Variants in SLC16A12 observed in about 807,000 individuals in gnomAD.
SLC16A12 encodes the protein solute carrier family 16 member 12.
SLC16A12 carries 17 observed loss-of-function variants against 42.4 expected under a neutral mutation model. That is an observed-to-expected ratio of 0.40 (90% CI 0.27 to 0.60). The LOEUF (loss-of-function observed/expected upper bound fraction) is 0.60, where lower values mean the gene tolerates loss of function less well. Among genes scored for constraint, SLC16A12 ranks in the 20% least tolerant of loss-of-function variants. The probability of loss-of-function intolerance (pLI) is 0.42; values close to 1 mark genes in which losing one functional copy is unlikely to be tolerated. For synonymous variants in SLC16A12, 224 were observed against 229.4 expected, an observed-to-expected ratio of 0.98 and a Z score of 0.21; for missense variants, 544 against 623.0, an observed-to-expected ratio of 0.87 and a Z score of 1.35.
At chr10:89,532,898 G>C (rs1000938101) in intron 2 of SLC16A12, among the ~76,000 whole-genome samples, 13 of 152,130 alleles carry the variant, frequency 8.5e-5, no homozygotes, top group Admixed American at 8.5e-4. Flanking sequence ...TAAATAAAAA[G>C]CAACATCTTA....
chr10:89,537,132 G>T (rs921193216), upstream of SLC16A12, among the ~76,000 whole-genome samples: 4 of 148,992 alleles, frequency 2.7e-5, no homozygotes, highest in African/African-American at 7.4e-5. Flanking sequence ...ACGCAGCAAG[G>T]CACCGTAGGT....
chr10:89,522,001 A>T (rs1422088457), intron 2 of SLC16A12, among the ~76,000 whole-genome samples: 1 of 152,144 alleles, frequency 6.6e-6, no homozygotes, highest in African/African-American at 2.4e-5. Context: ...CGTCCTTAGG[A>T]CTACCAGGAA....
intron 3 of SLC16A12, among the ~76,000 whole-genome samples, chr10:89,453,356 T>G (rs1842126488): frequency 6.6e-6 from 1 of 152,242 alleles, no homozygotes; most frequent in Non-Finnish European, 1.5e-5. Context: ...CCACTAGGAC[T>G]TCAATTTAAG....
intron 2 of SLC16A12, among the ~76,000 whole-genome samples, chr10:89,473,405 C>T (rs1434989874): frequency 6.6e-6 from 1 of 151,988 alleles, no homozygotes; most frequent in African/African-American, 2.4e-5. Context: ...CCATTTATAC[C>T]AAACCTATAG....
Position 89,548,251 on chromosome 10 carries a change from GT to G in SLC16A12, c.-47+7630del, listed in dbSNP as rs1159275268. 4.6e-5 allele frequency among the ~76,000 whole-genome samples: 7 copies of G among 152,208 alleles called. 1 individual carries two copies. Among genetic ancestry groups the G allele is most frequent in the Admixed American group, 4.6e-4 (7 of 15,280 alleles). ...AGTGAAAGAGACATGAGAAGTCTGT[GT>G]GTCTCCAGCCAGGAGGATGGTGATC... On this transcript the variant is annotated intron_variant, in intron 2 of 2. Transcript: ENST00000475682.
At chr10:89,554,311 C>G (rs1366856335) in intron 2 of SLC16A12, among the ~76,000 whole-genome samples, 2 of 152,098 alleles carry the variant, frequency 1.3e-5, no homozygotes, top group Non-Finnish European at 2.9e-5. Context: ...GCATAACTAA[C>G]CCACCTCAAT....
At chr10:89,463,738 A>C (rs1842342871) in intron 2 of SLC16A12, among the ~76,000 whole-genome samples, 1 of 152,252 alleles carries the variant, frequency 6.6e-6, no homozygotes, top group Non-Finnish European at 1.5e-5. Context: ...ACTTCAAAGA[A>C]GTAATATCTG....
rs1335619612 is a variant in SLC16A12 at position 89,438,826 on chromosome 10, C to T, written c.806G>A (p.Cys269Tyr). The T allele has an allele frequency of 3.1e-6, 5 of 1,614,044 alleles. No homozygotes were observed. The highest frequency in any genetic ancestry group is 1.3e-5 in the African/African-American group (1 of 74,904). ...AAAACTGTACTCTTGCTGCAAACAG[C>T]AACAGAGGCAAGTCTGTGCCCATTC... ...TKEWAQTCLC[C>Y]CLQQEYSFLL... Residue 269 changes from cysteine (C) to tyrosine (Y), a missense_variant, in exon 6 of 8, where the codon TGC becomes TAC. Coordinates refer to ENST00000371790, the MANE Select transcript of SLC16A12 (RefSeq NM_213606.4).
chr10:89,432,005 T>C lies in SLC16A12; in HGVS notation c.*1059A>G, dbSNP rs1841702304. 1 of 152,568 alleles carries C rather than the reference T, an allele frequency of 6.6e-6. No individual in the cohort carries two copies. Among genetic ancestry groups the C allele is most frequent in the Non-Finnish European group, 1.5e-5 (1 of 68,038 alleles). The allele number at this position is 152,568 out of a possible 1,614,324, so 9.5% of individuals were successfully genotyped here. On this transcript the variant is annotated 3_prime_UTR_variant, in exon 8 of 8. Transcript: ENST00000371790. Reference sequence around the variant, plus strand: ...AATATTTTTCAGACAACTGACTCCCTCCAATCCTCTTTTGGGTAATGATAA... The same window carrying C: ...AATATTTTTCAGACAACTGACTCCCCCCAATCCTCTTTTGGGTAATGATAA...
intron 2 of SLC16A12, among the ~76,000 whole-genome samples, chr10:89,502,977 A>G (rs1231763523): frequency 6.6e-6 from 1 of 152,206 alleles, no homozygotes. Flanking sequence ...ACTGCAATCT[A>G]TGATCAGGAT....
chr10:89,477,457 G>A (rs1371498018), intron 2 of SLC16A12, among the ~76,000 whole-genome samples: 1 of 151,462 alleles, frequency 6.6e-6, no homozygotes, highest in Non-Finnish European at 1.5e-5. Context: ...CCAGCTACTC[G>A]GGAGGCTGAG....
At chr10:89,474,794 T>A (rs1028627485) in intron 2 of SLC16A12, among the ~76,000 whole-genome samples, 1 of 152,214 alleles carries the variant, frequency 6.6e-6, no homozygotes, top group Non-Finnish European at 1.5e-5. Context: ...TACATATATG[T>A]TATTCCATGT....
intron 2 of SLC16A12, among the ~76,000 whole-genome samples, chr10:89,468,657 G>T (rs1842446407): frequency 6.6e-6 from 1 of 152,200 alleles, no homozygotes; most frequent in South Asian, 2.1e-4. Context: ...TTTCAAAACA[G>T]GTCATTTAAT....
At chr10:89,528,789 G>A (rs1843495967) in intron 2 of SLC16A12, among the ~76,000 whole-genome samples, 1 of 152,148 alleles carries the variant, frequency 6.6e-6, no homozygotes, top group Admixed American at 6.5e-5. Flanking sequence ...CCCTAGCCCT[G>A]TATCTCAGAC....
intron 3 of SLC16A12, among the ~76,000 whole-genome samples, chr10:89,444,815 G>A (rs900008935): frequency 1.3e-5 from 2 of 152,228 alleles, no homozygotes; most frequent in African/African-American, 4.8e-5. Context: ...GCCTCACCCA[G>A]GAAGCACAAG....
chr10:89,452,250 A>G (rs1305486755), intron 3 of SLC16A12, among the ~76,000 whole-genome samples: 1 of 152,188 alleles, frequency 6.6e-6, no homozygotes, highest in Non-Finnish European at 1.5e-5. Context: ...AGTCAAATAA[A>G]AACAGTTGAG....
chr10:89,460,678 G>A (rs1180433520), intron 3 of SLC16A12, among the ~76,000 whole-genome samples: 1 of 148,684 alleles, frequency 6.7e-6, no homozygotes, highest in Non-Finnish European at 1.5e-5. Flanking sequence ...CTGGGAGGCG[G>A]AGGTTACAGT....
intron 2 of SLC16A12, among the ~76,000 whole-genome samples, chr10:89,551,442 CTAAATAAA>C (rs761259857): frequency 1.3e-5 from 2 of 152,010 alleles, no homozygotes; most frequent in African/African-American, 2.4e-5. Context: ...GACCCTGTCT[CTAAATAAA>C]TAAATAAATA....
intron 2 of SLC16A12, among the ~76,000 whole-genome samples, chr10:89,488,621 G>A (rs1842799994): frequency 6.6e-6 from 1 of 152,194 alleles, no homozygotes; most frequent in Non-Finnish European, 1.5e-5. Context: ...TAGGATAAAA[G>A]CAGCAGCAAC....
Sources: gnomAD v4.1 joint callset for allele counts (sites outside exome capture counted in the v4.1 genomes callset) on GRCh38, gnomAD v4.1.1 for gene constraint, MANE v1.5 for transcripts, NCBI Gene and HGNC (gene_info 2026-07-23, HGNC 2026-07-21) for gene names.